The following SRP54 variants were observed in gnomAD, a reference collection of about 807,000 sequenced individuals.
SRP54 encodes signal recognition particle subunit SRP54.
A neutral mutation model predicts 64.8 loss-of-function variants in SRP54; 10 were observed. That is an observed-to-expected ratio of 0.15 (90% CI 0.10 to 0.26). SRP54 has a LOEUF of 0.26. Ranked by LOEUF, SRP54 falls within the 10% of genes least tolerant of loss-of-function variation. The probability of loss-of-function intolerance (pLI) is 1.00; values close to 1 mark genes in which losing one functional copy is unlikely to be tolerated. For synonymous variants in SRP54, 193 were observed against 185.6 expected (o/e 1.04, Z -0.32); for missense variants, 325 against 613.7 (o/e 0.53, Z 4.97).
chr14:34,999,709 GT>G, intron 3 of SRP54, 60 bp downstream of exon 3: 2 of 1,214,686 alleles, frequency 1.6e-6, no homozygotes, highest in Non-Finnish European at 2.4e-6. Flanking sequence ...CTGGAAAGAG[GT>G]GCTAACTGGA....
At chr14:35,020,433 C>A (rs752774408) in intron 13 of SRP54, among the ~76,000 whole-genome samples, 1 of 152,160 alleles carries the variant, frequency 6.6e-6, no homozygotes, top group Non-Finnish European at 1.5e-5. Context: ...CGATGCTGTT[C>A]GATAGCATTT....
chr14:35,015,739 C>G (rs999752182), intron 11 of SRP54, among the ~76,000 whole-genome samples: 11 of 152,160 alleles, frequency 7.2e-5, no homozygotes, highest in African/African-American at 2.7e-4. Context: ...TCTTTAATTA[C>G]CGTAGCAACT....
At chr14:34,983,423 G>T (rs115282222) in intron 1 of SRP54, among the ~76,000 whole-genome samples, 1 of 152,172 alleles carries the variant, frequency 6.6e-6, no homozygotes, top group Non-Finnish European at 1.5e-5. Flanking sequence ...GTTGTCTTCC[G>T]ATTTACCTGA....
At chr14:35,014,671 T>G (rs2044410131) in intron 10 of SRP54, 73 bp from the exon 11 acceptor site, 1 of 1,112,066 alleles carries the variant, frequency 9.0e-7, no homozygotes, top group Non-Finnish European at 1.4e-6. Context: ...TTATTATGTA[T>G]GTGAATGTGT....
At chr14:35,013,548 A>C in intron 9 of SRP54, 54 bp downstream of exon 9, 1 of 1,538,204 alleles carries the variant, frequency 6.5e-7, no homozygotes, top group Non-Finnish European at 8.9e-7. Context: ...GGGGAAGGAT[A>C]TGTGTTTATA....
chr14:35,001,366 G>A (rs536087850), intron 4 of SRP54, among the ~76,000 whole-genome samples: 14 of 152,142 alleles, frequency 9.2e-5, no homozygotes, highest in African/African-American at 3.4e-4. Flanking sequence ...GGTCAGGCTG[G>A]TCTTGAACTC....
intron 4 of SRP54, among the ~76,000 whole-genome samples, chr14:35,006,255 T>G (rs549284845): frequency 1.4e-4 from 21 of 152,372 alleles, no homozygotes; most frequent in Admixed American, 7.8e-4. Flanking sequence ...GTAGTAACTT[T>G]ACAGTAAATA....
chr14:34,997,006 ATCG>A, intron 2 of SRP54: 1 of 409,000 alleles, frequency 2.4e-6, no homozygotes. Context: ...CCAAAAAAAA[ATCG>A]AAAAAAACCT....
chr14:34,994,890 C>T (rs909648026), intron 1 of SRP54, among the ~76,000 whole-genome samples: 21 of 151,078 alleles, frequency 1.4e-4, no homozygotes, highest in Admixed American at 7.9e-4. Context: ...CTCACCCTCC[C>T]GAGTAGCTGG....
intron 11 of SRP54, among the ~76,000 whole-genome samples, chr14:35,017,414 C>G (rs556883970): frequency 6.6e-6 from 1 of 152,130 alleles, no homozygotes; most frequent in South Asian, 2.1e-4. Context: ...ACTCTAAGTT[C>G]TATGTCTGTG....
At chr14:34,994,377 C>G (rs1201556475) in intron 1 of SRP54, among the ~76,000 whole-genome samples, 1 of 152,154 alleles carries the variant, frequency 6.6e-6, no homozygotes, top group African/African-American at 2.4e-5. Context: ...CTAAATTAGA[C>G]TACATTAGTT....
intron 1 of SRP54, among the ~76,000 whole-genome samples, chr14:34,991,175 G>A (rs745681724): frequency 2.1e-5 from 3 of 145,996 alleles, no homozygotes; most frequent in Non-Finnish European, 4.5e-5. Context: ...TTTCACCCAG[G>A]CTGGAGTGCA....
chr14:34,990,551 C>G (rs1274537098), intron 1 of SRP54, among the ~76,000 whole-genome samples: 2 of 152,174 alleles, frequency 1.3e-5, no homozygotes, highest in Non-Finnish European at 2.9e-5. Context: ...AAAGCCCCAT[C>G]TAAGTAGAGA....
rs376712278 is a variant in SRP54, at chr14:35,014,290, T to TTTTTTTTTTTTG, written c.886+392_886+393insTTTTTTTGTTTT. 7.6e-4 allele frequency among the ~76,000 whole-genome samples: 97 copies of TTTTTTTTTTTTG among 127,316 alleles called. 5 individuals are homozygous for TTTTTTTTTTTTG. The East Asian group carries it at 0.012, about 16-fold the overall frequency. The allele number at this position is 127,316 out of a possible 152,430, so 83.5% of individuals were successfully genotyped here. A position where few individuals can be genotyped will look rare whatever the true frequency, so the allele number is the denominator to read the frequency against. On this transcript the variant is annotated intron_variant, in intron 10 of 15. Transcript: ENST00000216774. ...TGCCACTTAACTTTTTTTTTTTTTT[T>TTTTTTTTTTTTG]TTTTGAGACGGAGTTTCGCTCTTGT...
chr14:35,018,787 A>G (rs1427875053), intron 12 of SRP54, 22 bp downstream of exon 12: 3 of 1,590,220 alleles, frequency 1.9e-6, no homozygotes, highest in Non-Finnish European at 2.6e-6. Flanking sequence ...TTAAAACTTT[A>G]TACCTTCTTT....
intron 1 of SRP54, among the ~76,000 whole-genome samples, chr14:34,989,426 C>T (rs1020560631): frequency 6.6e-6 from 1 of 151,726 alleles, no homozygotes; most frequent in African/African-American, 2.4e-5. Flanking sequence ...CTGAGATTGC[C>T]CCATTGCACT....
intron 2 of SRP54, among the ~76,000 whole-genome samples, chr14:34,998,503 G>A (rs2044105038): frequency 6.6e-6 from 1 of 151,996 alleles, no homozygotes; most frequent in South Asian, 2.1e-4. Context: ...TTCCATAATT[G>A]TCCAGTTTTT....
chr14:34,987,133 A>T (rs1176929106), intron 1 of SRP54, among the ~76,000 whole-genome samples: 1 of 150,930 alleles, frequency 6.6e-6, no homozygotes, highest in Non-Finnish European at 1.5e-5. Flanking sequence ...CGGGAGGCTG[A>T]GGCAGGAGAA....
intron 7 of SRP54, among the ~76,000 whole-genome samples, chr14:35,009,912 G>A (rs888802209): frequency 1.3e-5 from 2 of 152,088 alleles, no homozygotes; most frequent in Non-Finnish European, 2.9e-5. Context: ...CACGTTGGGA[G>A]GCTGAGGCGG....
Sources: gnomAD v4.1 joint callset for allele counts (sites outside exome capture counted in the v4.1 genomes callset) on GRCh38, gnomAD v4.1.1 for gene constraint, MANE v1.5 for transcripts, NCBI Gene and HGNC (gene_info 2026-07-23, HGNC 2026-07-21) for gene names.